The following ZNF786 variants were observed in gnomAD, a reference collection of about 807,000 sequenced individuals.
The protein encoded by ZNF786 is zinc finger protein 786.
In ZNF786, 56 loss-of-function variants were observed where a neutral mutation model predicts 63.1. The observed-to-expected ratio is 0.89, with a 90% CI of 0.72 to 1.11. ZNF786 has a LOEUF of 1.11. Ranked by LOEUF, ZNF786 falls within the 50% of genes least tolerant of loss-of-function variation. The probability of loss-of-function intolerance (pLI) is 0.00; values close to 1 mark genes in which losing one functional copy is unlikely to be tolerated. For missense variants in ZNF786, 1,213 were observed against 1,041.8 expected, an observed-to-expected ratio of 1.16 and a Z score of -2.26; for synonymous variants, 485 against 406.9, an observed-to-expected ratio of 1.19 and a Z score of -2.31.
rs192635205 is a variant in ZNF786, at chr7:149,089,968, G to A, written c.18+655C>T. ...GACCTCACGTGATCCACCCGCCTCG[G>A]CCTCCCAAAGTGCTGGGATTACAGG... On this transcript the variant is annotated intron_variant, in intron 1 of 3. Coordinates refer to ENST00000491431, the MANE Select transcript of ZNF786 (RefSeq NM_152411.4). Among the ~76,000 whole-genome samples the A allele has an allele frequency of 3.1e-4, 47 of 152,216 alleles. 2 individuals carry two copies. In the East Asian group the frequency reaches 7.7e-3, roughly 25 times the overall value.
intron 2 of ZNF786, among the ~76,000 whole-genome samples, chr7:149,076,770 T>A (rs1218295074): frequency 6.6e-6 from 1 of 151,728 alleles, no homozygotes; most frequent in Admixed American, 6.6e-5. Flanking sequence ...GTACTGCAAC[T>A]TGCTCTTCTC....
chr7:149,079,392 G>A (rs1825615811), intron 2 of ZNF786, among the ~76,000 whole-genome samples: 1 of 151,156 alleles, frequency 6.6e-6, no homozygotes, highest in Non-Finnish European at 1.5e-5. Flanking sequence ...CTGGGCGACG[G>A]AGCCAGACTC....
chr7:149,077,810 C>T (rs1053857874), intron 2 of ZNF786, among the ~76,000 whole-genome samples: 5 of 151,376 alleles, frequency 3.3e-5, no homozygotes, highest in African/African-American at 1.2e-4. Context: ...ATGATGAAAG[C>T]ATGAGAAACA....
At chr7:149,079,208 A>G (rs1002094843) in intron 2 of ZNF786, among the ~76,000 whole-genome samples, 40 of 152,296 alleles carry the variant, frequency 2.6e-4, no homozygotes, top group African/African-American at 9.4e-4. Context: ...GGAAATCGAG[A>G]CCATCCTGGC....
intron 3 of ZNF786, among the ~76,000 whole-genome samples, chr7:149,072,821 T>G (rs1353259723): frequency 1.1e-4 from 17 of 152,204 alleles, no homozygotes; most frequent in Admixed American, 1.1e-3. Flanking sequence ...TGTAAAAACA[T>G]GGAAACAAAA....
Position 149,070,725 on chromosome 7 carries a change from T to C in ZNF786, c.2047A>G (p.Lys683Glu). Residue 683 changes from lysine (K) to glutamate (E), a missense_variant, in exon 4 of 4, where the codon AAG (lysine) becomes GAG (glutamate). Transcript: ENST00000491431. ...AGCTGCGCCTTCAGGCGGAAACTCT[T>C]GTCACACTTGGGACACTGAAAAGGC... is the stretch of plus-strand genomic sequence containing the variant. The part of the protein sequence containing the change: ...EKPFQCPKCD[K>E]SFRLKAQLLS... 6.2e-7 allele frequency: 1 copy of C among 1,613,780 alleles called. No individual in the cohort carries two copies.
At position 149,083,628 on chromosome 7, in the gene ZNF786, T is replaced by G. The variant is rs1585469793; in HGVS notation, c.19-2911A>C. Among the ~76,000 whole-genome samples, 10 of 152,276 alleles carry G rather than the reference T, an allele frequency of 6.6e-5. No homozygotes were observed. The South Asian group carries it at 2.1e-3, about 32-fold the overall frequency. ...TTGTGGGGGTTGGTGTGCAGACTGTTTCATCACCCAGGTAATAAGCATAGT... is the reference window on the plus strand; with the variant it reads ...TTGTGGGGGTTGGTGTGCAGACTGTGTCATCACCCAGGTAATAAGCATAGT... On this transcript the variant is annotated intron_variant, in intron 1 of 3. Transcript: ENST00000491431.
At chr7:149,075,247 T>C (rs1825522649) in intron 2 of ZNF786, among the ~76,000 whole-genome samples, 1 of 152,198 alleles carries the variant, frequency 6.6e-6, no homozygotes, top group Non-Finnish European at 1.5e-5. Flanking sequence ...TTTAAGTTAT[T>C]ATTACTATTG....
intron 2 of ZNF786, among the ~76,000 whole-genome samples, chr7:149,077,788 A>G (rs1162877542): frequency 1.3e-5 from 2 of 152,132 alleles, no homozygotes; most frequent in Non-Finnish European, 2.9e-5. Context: ...GATGATGGAT[A>G]ATCACAAGGA....
In ZNF786 at chr7:149,071,494, GGA is replaced by G. The variant is rs753724912; in HGVS notation, c.1276_1277del (p.Ser426LeufsTer13). 1.2e-6 allele frequency: 2 copies of G among 1,612,112 alleles called. No homozygotes were observed. The highest frequency in any genetic ancestry group is 1.7e-6 in the Non-Finnish European group (2 of 1,179,426). ...QHAHGGERPF[S>X]CRKCGKGFAK... Reference sequence around the variant, plus strand: ...CGAAGCCCTTGCCACACTTCCTGCAGGAGAACGGTCTCTCCCCACCGTGCGCG... The same window carrying G: ...CGAAGCCCTTGCCACACTTCCTGCAGGAACGGTCTCTCCCCACCGTGCGCG... On this transcript the variant is annotated frameshift_variant, in exon 4 of 4. Coordinates refer to ENST00000491431, the MANE Select transcript of ZNF786 (RefSeq NM_152411.4). LOFTEE classifies it high-confidence loss of function.
chr7:149,073,352 C>T (rs1022028387), intron 3 of ZNF786, among the ~76,000 whole-genome samples: 1 of 152,042 alleles, frequency 6.6e-6, no homozygotes, highest in Non-Finnish European at 1.5e-5. Flanking sequence ...AGACAACAGT[C>T]TCTAGTTAGG....
In ZNF786 at chr7:149,075,517, T is replaced by A. The variant is rs1051669997; in HGVS notation, c.146-979A>T. Among the ~76,000 whole-genome samples, 2 of 152,238 alleles carry A rather than the reference T, an allele frequency of 1.3e-5. 1 individual carries two copies. The highest frequency in any genetic ancestry group is 4.1e-4 in the South Asian group (2 of 4,826). ...ACCCTGGAGTCTCAAAGTGCTGCGA[T>A]TACAGGCATGAGCCACCGCACCTGG... is the stretch of plus-strand genomic sequence containing the variant. On this transcript the variant is annotated intron_variant, in intron 2 of 3. Coordinates refer to ENST00000491431, the MANE Select transcript of ZNF786 (RefSeq NM_152411.4).
intron 2 of ZNF786, among the ~76,000 whole-genome samples, chr7:149,075,985 T>G (rs954462494): frequency 6.6e-6 from 1 of 151,868 alleles, no homozygotes; most frequent in Admixed American, 6.6e-5. Flanking sequence ...TTTGAAGATA[T>G]GAGACATTAC....
At chr7:149,088,236 C>T (rs1207768035) in intron 1 of ZNF786, among the ~76,000 whole-genome samples, 1 of 152,132 alleles carries the variant, frequency 6.6e-6, no homozygotes, top group Non-Finnish European at 1.5e-5. Context: ...TTCCTGACCT[C>T]AGGTGATCTG....
In ZNF786 at chr7:149,090,631, G is replaced by T; in HGVS notation, c.10C>A (p.Pro4Thr). 1 of 1,591,090 alleles carries T rather than the reference G, an allele frequency of 6.3e-7. No homozygotes were observed. Residue 4 changes from proline (P) to threonine (T), a missense_variant, in exon 1 of 4, where the codon CCG (proline) becomes ACG (threonine). Transcript: ENST00000491431. MAEPPRLPLTFEDV... is the reference protein window; with the variant it reads MAETPRLPLTFEDV... ...CAGGCTAGCCCGCTTACCCGAGGCG[G>T]CTCCGCCATGGTCCCCGCGGTCCCG...
intron 1 of ZNF786, among the ~76,000 whole-genome samples, chr7:149,084,118 T>C (rs1035786735): frequency 1.3e-5 from 2 of 152,076 alleles, no homozygotes; most frequent in African/African-American, 4.8e-5. Context: ...ACCAGCACTT[T>C]GGGAGGCCGA....
intron 1 of ZNF786, among the ~76,000 whole-genome samples, chr7:149,085,759 GTTTC>G (rs1191238114): frequency 1.3e-5 from 2 of 151,974 alleles, no homozygotes; most frequent in African/African-American, 4.8e-5. Context: ...GTTATCTCTG[GTTTC>G]TTTGAGTAGT....
chr7:149,086,550 C>T (rs1825740738), intron 1 of ZNF786, among the ~76,000 whole-genome samples: 1 of 152,006 alleles, frequency 6.6e-6, no homozygotes, highest in Non-Finnish European at 1.5e-5. Flanking sequence ...ATCGCTTGAA[C>T]CCAGGAGGCA....
chr7:149,071,390 T>C lies in ZNF786; in HGVS notation c.1382A>G (p.Asn461Ser). 6.2e-7 allele frequency: 1 copy of C among 1,612,962 alleles called. No individual in the cohort carries two copies. The highest frequency in any genetic ancestry group is 8.5e-7 in the Non-Finnish European group (1 of 1,179,666). ...CAGCAGCTGTCCCCTCTGACGGAAG[T>C]TCCTGCCACACTTGGCACACCGGAA... ...KPFRCAKCGR[N>S]FRQRGQLLRH... is the part of the protein sequence containing the mutation. The change falls in exon 4 of 4, where the codon AAC becomes AGC. Residue 461 changes from asparagine (N) to serine (S), a missense_variant. By Grantham distance (46) the Asn-to-Ser change is conservative. Coordinates refer to ENST00000491431, the MANE Select transcript of ZNF786 (RefSeq NM_152411.4).
Sources: gnomAD v4.1 joint callset for allele counts (sites outside exome capture counted in the v4.1 genomes callset) on GRCh38, gnomAD v4.1.1 for gene constraint, MANE v1.5 for transcripts, NCBI Gene and HGNC (gene_info 2026-07-23, HGNC 2026-07-21) for gene names.